Variants in KIF22 observed in about 807,000 individuals in gnomAD.
KIF22 encodes kinesin-like protein KIF22.
In KIF22, 62 loss-of-function variants were observed where a neutral mutation model predicts 73.0. The ratio of observed to expected loss-of-function variants is 0.85; its 90% CI spans 0.69 to 1.05. KIF22 has a LOEUF of 1.05. Among genes scored for constraint, KIF22 ranks in the 50% least tolerant of loss-of-function variants. The probability of loss-of-function intolerance (pLI) is 0.00; values close to 1 mark genes in which losing one functional copy is unlikely to be tolerated. For synonymous variants in KIF22, 411 were observed against 340.1 expected, an observed-to-expected ratio of 1.21 and a Z score of -2.29; for missense variants, 854 against 870.1, an observed-to-expected ratio of 0.98 and a Z score of 0.23.
At chr16:29,792,968 C>T (rs1332958025) in intron 1 of KIF22, among the ~76,000 whole-genome samples, 2 of 152,164 alleles carry the variant, frequency 1.3e-5, no homozygotes, top group Non-Finnish European at 2.9e-5. Context: ...GAGAAGTGGA[C>T]TTGTTCAAGA....
At position 29,803,609 on chromosome 16, in the gene KIF22, G is replaced by GT. The variant is rs1567361992; in HGVS notation, c.1609+2dup. On this transcript the variant is annotated splice_donor_variant, in intron 10 of 13. Transcript: ENST00000160827. LOFTEE classifies it high-confidence loss of function. ...GCTGTGGTGATGCCCCTACAGCTAA[G>GT]TAAGTTTGACTCCAGGGGCTGGGGG... 6.2e-7 allele frequency: 1 copy of GT among 1,604,054 alleles called. No individual in the cohort carries two copies.
In KIF22 at chr16:29,798,308, C is replaced by A. The variant is rs1899004089; in HGVS notation, c.267-66C>A. ...CCTTACCCACCCCCACCCCACTCCA[C>A]CCCTTACACACACACACACACACAC... On this transcript the variant is annotated intron_variant, in intron 2 of 13. Coordinates refer to ENST00000160827, the MANE Select transcript of KIF22 (RefSeq NM_007317.3). This position sits in a 1 kb window ranked among gnomAD's most constrained non-coding sequence, Gnocchi z 4.1. 2.1e-6 allele frequency: 3 copies of A among 1,408,290 alleles called. No homozygotes were observed. The highest frequency in any genetic ancestry group is 2.8e-6 in the Non-Finnish European group (3 of 1,068,524). 87.2% of individuals were successfully genotyped at this position (1,408,290 alleles called of 1,614,324 possible).
rs1445193735 is a variant in KIF22, at chr16:29,790,891, G to A, written c.70+62G>A. 2.6e-5 allele frequency: 41 copies of A among 1,556,138 alleles called. 1 individual carries two copies. Among genetic ancestry groups the A allele is most frequent in the Middle Eastern group, 3.5e-4 (2 of 5,700 alleles). On this transcript the variant is annotated intron_variant, in intron 1 of 13. Transcript: ENST00000160827. ...GTCTGGAGTTTAGTGGGAGTTATGT[G>A]TCGGAGTGTGGTCCAGGCTCTGCGG...
chr16:29,791,238 G>T (rs1017757916), intron 1 of KIF22: 1 of 1,057,756 alleles, frequency 9.5e-7, no homozygotes, highest in Non-Finnish European at 1.1e-6. Context: ...ATTGGGAAGG[G>T]TTCTGTGTGG....
chr16:29,802,935 GA>G lies in KIF22; in HGVS notation c.1448del (p.Glu483GlyfsTer44). On this transcript the variant is annotated frameshift_variant and splice_region_variant, in exon 9 of 14. Transcript: ENST00000160827. LOFTEE classifies it high-confidence loss of function. ...KTVEEKDLEI[E>X]RLKTKQKELE... ...AGTGGAAGAGAAGGACCTAGAGATT[GA>G]GGTACGTGTTTTAGGGATGTGGGAG... 1 of 1,611,748 alleles carries G rather than the reference GA, an allele frequency of 6.2e-7. No individual in the cohort carries two copies.
At position 29,799,910 on chromosome 16, in the gene KIF22, T is replaced by C; in HGVS notation, c.1145-3T>C. The stretch of plus-strand genomic sequence containing the variant: ...CTCTCCACCCCATCCTCCAATCATC[T>C]AGCCTTGGGACCTGTTAAGCTGTCT... On this transcript the variant is annotated splice_polypyrimidine_tract_variant and splice_region_variant and intron_variant, in intron 7 of 13. Transcript: ENST00000160827. 6.2e-7 allele frequency: 1 copy of C among 1,613,994 alleles called. No individual in the cohort carries two copies. The highest frequency in any genetic ancestry group is 1.1e-5 in the South Asian group (1 of 91,078).
chr16:29,804,901 C>T lies in KIF22; in HGVS notation c.1765C>T (p.Arg589Cys). ...CAGCCCGGAGCTACTGGCTCATGGG[C>T]GCCAAAAAATACTGGATCTGCTGAA... The part of the protein sequence containing the change: ...QISPELLAHG[R>C]QKILDLLNEG... Residue 589 changes from arginine to cysteine, a missense_variant, in exon 12 of 14, where the codon CGC becomes TGC. This residue lies in a region of KIF22 where 423 missense variants were observed against 365.4 expected (regional missense o/e 1.16). Coordinates refer to ENST00000160827, the MANE Select transcript of KIF22 (RefSeq NM_007317.3). 3 of 1,613,900 alleles carry T rather than the reference C, an allele frequency of 1.9e-6. No homozygotes were observed. Among genetic ancestry groups the T allele is most frequent in the Middle Eastern group, 1.6e-4 (1 of 6,062 alleles).
rs766506749 is a variant in KIF22, at chr16:29,804,866, A to T, written c.1730A>T (p.Glu577Val). The change falls in exon 12 of 14, where the codon GAG becomes GTG. Residue 577 changes from glutamate (E) to valine (V), a missense_variant. Physicochemically the swap from Glu to Val is moderately radical, Grantham distance 121 (BLOSUM62 -2). Coordinates refer to ENST00000160827, the MANE Select transcript of KIF22 (RefSeq NM_007317.3). Reference protein sequence around the residue: ...EPEEKAEDCWELQISPELLAH... With the variant: ...EPEEKAEDCWVLQISPELLAH... Reference sequence around the variant, plus strand: ...GAGGAGAAGGCTGAGGACTGCTGGGAGCTACAGATCAGCCCGGAGCTACTG... The same window carrying T: ...GAGGAGAAGGCTGAGGACTGCTGGGTGCTACAGATCAGCCCGGAGCTACTG... 35 of 1,613,620 alleles carry T rather than the reference A, an allele frequency of 2.2e-5. No individual in the cohort carries two copies. The highest frequency in any genetic ancestry group is 3.0e-5 in the Non-Finnish European group (35 of 1,179,934).
chr16:29,796,836 C>G (rs543090616), intron 1 of KIF22, 57 bp from the exon 2 acceptor site: 7 of 1,571,912 alleles, frequency 4.5e-6, no homozygotes, highest in Non-Finnish European at 6.1e-6. Context: ...AAAGTTGGTC[C>G]CTGCTTCTTC....
At position 29,802,662 on chromosome 16, in the gene KIF22, C is replaced by T. The variant is rs559884972; in HGVS notation, c.1281-107C>T. The T allele has an allele frequency of 1.0e-4, 109 of 1,069,746 alleles. 2 individuals carry two copies. The South Asian group carries it at 1.8e-3, about 18-fold the overall frequency. 66.3% of individuals were successfully genotyped at this position (1,069,746 alleles called of 1,614,324 possible). The stretch of plus-strand genomic sequence containing the variant: ...ATGCCTAGCAAGTTAACATTAGGTT[C>T]TGGAGCTACAGGATATACCAAGTTA... On this transcript the variant is annotated intron_variant, in intron 8 of 13. Transcript: ENST00000160827.
At chr16:29,805,071 G>A in intron 12 of KIF22, 44 bp from the exon 13 acceptor site, 5 of 1,611,828 alleles carry the variant, frequency 3.1e-6, no homozygotes, top group Non-Finnish European at 4.2e-6. Flanking sequence ...GGGGGAGACC[G>A]GGTACCCCCG....
At chr16:29,793,469 G>A (rs1007095694) in intron 1 of KIF22, among the ~76,000 whole-genome samples, 3 of 152,176 alleles carry the variant, frequency 2.0e-5, no homozygotes, top group Non-Finnish European at 2.9e-5. Flanking sequence ...CGTTCAGAAC[G>A]TGGGCTGCAG....
chr16:29,803,923 G>C, intron 10 of KIF22, 75 bp from the exon 11 acceptor site: 1 of 1,139,390 alleles, frequency 8.8e-7, no homozygotes. Flanking sequence ...ATCAGAAATG[G>C]AAGAATCGAA....
At chr16:29,792,975 A>C (rs1362344506) in intron 1 of KIF22, among the ~76,000 whole-genome samples, 2 of 152,214 alleles carry the variant, frequency 1.3e-5, no homozygotes, top group Admixed American at 6.5e-5. Flanking sequence ...GGACTTGTTC[A>C]AGAGAGATTT....
Position 29,798,329 on chromosome 16 carries a change from CACA to C in KIF22, c.267-44_267-42del. ...TCCACCCCTTACACACACACACACA[CACA>C]CACACACACACACACGCTAATTTCT... On this transcript the variant is annotated intron_variant, in intron 2 of 13. Coordinates refer to ENST00000160827, the MANE Select transcript of KIF22 (RefSeq NM_007317.3). The surrounding 1 kb of genome is among the most constrained non-coding windows in gnomAD (Gnocchi z 4.1). The C allele has an allele frequency of 6.4e-7, 1 of 1,556,176 alleles. No individual in the cohort carries two copies.
Position 29,804,796 on chromosome 16 carries a change from T to C in KIF22, c.1678-18T>C. 6.3e-7 allele frequency: 1 copy of C among 1,583,154 alleles called. No individual in the cohort carries two copies. The highest frequency in any genetic ancestry group is 8.6e-7 in the Non-Finnish European group (1 of 1,163,660). On this transcript the variant is annotated intron_variant, in intron 11 of 13. Coordinates refer to ENST00000160827, the MANE Select transcript of KIF22 (RefSeq NM_007317.3). ...ACTTGGCTGCCCTGCGTGTCACTCA[T>C]CTCCCTTTGCCTCCCAGCTGGAGTC...
Position 29,797,219 on chromosome 16 carries a change from A to G in KIF22, c.266+131A>G. 1 of 661,798 alleles carries G rather than the reference A, an allele frequency of 1.5e-6. No homozygotes were observed. The highest frequency in any genetic ancestry group is 2.5e-6 in the Non-Finnish European group (1 of 399,824). The allele number at this position is 661,798 out of a possible 1,614,324, so 41.0% of individuals were successfully genotyped here. A position where few individuals can be genotyped will look rare whatever the true frequency, so the allele number is the denominator to read the frequency against. ...TTTGTTCCCTGAGCCTTCACTGTTCACTTAGGAAATGTTGACAGGTGCCCC... is the reference window on the plus strand; with the variant it reads ...TTTGTTCCCTGAGCCTTCACTGTTCGCTTAGGAAATGTTGACAGGTGCCCC... On this transcript the variant is annotated intron_variant, in intron 2 of 13. Coordinates refer to ENST00000160827, the MANE Select transcript of KIF22 (RefSeq NM_007317.3). The surrounding 1 kb of genome is among the most constrained non-coding windows in gnomAD (Gnocchi z 4.1).
chr16:29,792,359 C>T (rs1192599335), intron 1 of KIF22: 9 of 956,420 alleles, frequency 9.4e-6, no homozygotes, highest in Middle Eastern at 5.3e-4. Flanking sequence ...TTCCCTCCTA[C>T]CCTGGACTGT....
chr16:29,804,126 T>TA (rs1596856899), intron 11 of KIF22, 61 bp downstream of exon 11: 3 of 1,364,008 alleles, frequency 2.2e-6, no homozygotes, highest in Non-Finnish European at 3.1e-6. Context: ...GAGTAGGCTC[T>TA]AGGGGGAGGA....
Sources: allele counts gnomAD v4.1 joint callset (sites outside exome capture counted in the v4.1 genomes callset), GRCh38; gene constraint gnomAD v4.1.1; regional missense constraint gnomAD v4.1.1; non-coding constraint Gnocchi (gnomAD v3.1); transcripts MANE v1.5; gene names NCBI Gene and HGNC (gene_info 2026-07-23, HGNC 2026-07-21).